MYO3B: variants seen among roughly 807,000 people sequenced by gnomAD.
MYO3B encodes myosin-IIIb.
Under a neutral mutation model 174.6 loss-of-function variants are expected in MYO3B, and 156 were observed. That is an observed-to-expected ratio of 0.89 (90% CI 0.78 to 1.02). The LOEUF is 1.02. Among genes scored for constraint, MYO3B ranks in the 50% least tolerant of loss-of-function variants. The pLI, the probability that MYO3B is intolerant of heterozygous loss-of-function variation, is 0.00. For synonymous variants in MYO3B, 563 were observed against 569.1 expected, an observed-to-expected ratio of 0.99 and a Z score of 0.15; for missense variants, 1,632 against 1,639.4, an observed-to-expected ratio of 1.00 and a Z score of 0.08.
intron 10 of MYO3B, chr2:170,382,827 C>T: frequency 9.4e-6 from 3 of 318,946 alleles, no homozygotes; most frequent in Non-Finnish European, 1.7e-5. Context: ...TGTTGGATAT[C>T]TCAGTGTCTT....
chr2:170,538,894 C>A (rs922915323), intron 30 of MYO3B, among the ~76,000 whole-genome samples: 5 of 152,108 alleles, frequency 3.3e-5, no homozygotes, highest in African/African-American at 1.2e-4. Context: ...ACTGCTTCTG[C>A]CCATTTAGCT....
chr2:170,226,225 G>A (rs35724739), intron 6 of MYO3B, among the ~76,000 whole-genome samples: 2,673 of 152,280 alleles, frequency 0.018, 32 homozygotes, highest in Middle Eastern at 0.031. Flanking sequence ...TGCAGGCTTT[G>A]GGAGCTCAGG....
intron 32 of MYO3B, among the ~76,000 whole-genome samples, chr2:170,564,631 A>G (rs1691948898): frequency 6.6e-6 from 1 of 152,224 alleles, no homozygotes; most frequent in Admixed American, 6.5e-5. Context: ...TAAAGATACA[A>G]TTTTTATACA....
At chr2:170,392,207 C>G (rs1422976034) in intron 15 of MYO3B, among the ~76,000 whole-genome samples, 174 bp from the exon 16 acceptor site, 1 of 151,702 alleles carries the variant, frequency 6.6e-6, no homozygotes, top group East Asian at 1.9e-4. Flanking sequence ...GCAGGAGGAT[C>G]ACTAGAGCCC....
At chr2:170,633,494 A>G (rs183116081) in intron 32 of MYO3B, among the ~76,000 whole-genome samples, 9 of 152,336 alleles carry the variant, frequency 5.9e-5, no homozygotes, top group Admixed American at 5.9e-4. Context: ...GCTATTTATG[A>G]TAAACCCACA....
Position 170,635,381 on chromosome 2 carries a change from G to A in MYO3B, c.3734-16247G>A, listed in dbSNP as rs146475495. Among the ~76,000 whole-genome samples, 1,262 of 152,072 alleles carry A rather than the reference G, an allele frequency of 8.3e-3. 21 individuals carry two copies. The highest frequency in any genetic ancestry group is 0.028 in the African/African-American group (1,163 of 41,454). On this transcript the variant is annotated intron_variant, in intron 32 of 34. Transcript: ENST00000408978. ...TCAAGGACAGAAAACCAAACACTGC[G>A]TGTTCTCACTCATAGGTGGGAATTG...
chr2:170,581,284 CAT>C (rs1693133723), intron 32 of MYO3B, among the ~76,000 whole-genome samples: 1 of 152,190 alleles, frequency 6.6e-6, no homozygotes, highest in Admixed American at 6.5e-5. Flanking sequence ...GTCACTTTCT[CAT>C]GTGTTACTTT....
chr2:170,324,046 C>T (rs116768570), intron 7 of MYO3B, among the ~76,000 whole-genome samples: 1,779 of 152,232 alleles, frequency 0.012, 32 homozygotes, highest in African/African-American at 0.041. Flanking sequence ...CTTCGAATCA[C>T]GTGGACTTTC....
At chr2:170,496,113 C>T (rs1483365228) in intron 25 of MYO3B, among the ~76,000 whole-genome samples, 4 of 152,212 alleles carry the variant, frequency 2.6e-5, no homozygotes, top group Admixed American at 2.6e-4. Context: ...GGCTACTGTT[C>T]AGGTTCAGAG....
intron 32 of MYO3B, among the ~76,000 whole-genome samples, chr2:170,593,812 A>G (rs1693970799): frequency 6.6e-6 from 1 of 152,204 alleles, no homozygotes; most frequent in Admixed American, 6.5e-5. Flanking sequence ...TATGATGTGC[A>G]CCTTAGTAGT....
At chr2:170,388,476 G>A (rs1288089436) in intron 14 of MYO3B, among the ~76,000 whole-genome samples, 1 of 152,126 alleles carries the variant, frequency 6.6e-6, no homozygotes, top group Admixed American at 6.5e-5. Context: ...AGGAAAAGTG[G>A]CAAAGATAAG....
chr2:170,646,712 A>C (rs1698410899), intron 32 of MYO3B, among the ~76,000 whole-genome samples: 1 of 152,152 alleles, frequency 6.6e-6, no homozygotes, highest in African/African-American at 2.4e-5. Context: ...GTTTATTGCC[A>C]AGTTGCACTT....
At chr2:170,584,236 T>G (rs1693354742) in intron 32 of MYO3B, among the ~76,000 whole-genome samples, 1 of 152,222 alleles carries the variant, frequency 6.6e-6, no homozygotes, top group Admixed American at 6.5e-5. Context: ...CCAACAAACT[T>G]GGAAAAAGTT....
chr2:170,290,199 T>C (rs79517685), intron 7 of MYO3B, among the ~76,000 whole-genome samples: 1,785 of 152,214 alleles, frequency 0.012, 16 homozygotes, highest in Non-Finnish European at 0.019. Context: ...GCCTATTAGA[T>C]TTAGTGTGGA....
intron 25 of MYO3B, among the ~76,000 whole-genome samples, chr2:170,497,947 G>GAAAAAAAAAAAAAAAAAAAAA (rs55963352): frequency 1.1e-5 from 1 of 87,874 alleles, no homozygotes; most frequent in African/African-American, 3.8e-5. Context: ...TTCTGCCTCA[G>GAAAAAAAAAAAAAAAAAAAAA]AAAAAAAAAA....
Position 170,653,238 on chromosome 2 carries a change from G to T in MYO3B, c.*117G>T, listed in dbSNP as rs766681481. On this transcript the variant is annotated 3_prime_UTR_variant, in exon 35 of 35. Coordinates refer to ENST00000408978, the MANE Select transcript of MYO3B (RefSeq NM_138995.5). ...CAGCTTCTTTGGACATATGGTCCAT[G>T]CCTGAACCTTACTGAACCACTTGCA... 5 of 1,260,558 alleles carry T rather than the reference G, an allele frequency of 4.0e-6. No individual in the cohort carries two copies. Among genetic ancestry groups the T allele is most frequent in the Non-Finnish European group, 5.6e-6 (5 of 889,530 alleles). The allele number at this position is 1,260,558 out of a possible 1,614,324, so 78.1% of individuals were successfully genotyped here.
At chr2:170,251,985 T>C (rs1221068211) in intron 7 of MYO3B, among the ~76,000 whole-genome samples, 1 of 152,200 alleles carries the variant, frequency 6.6e-6, no homozygotes. Context: ...AAGTTCAACT[T>C]TGAGACCAGG....
intron 28 of MYO3B, among the ~76,000 whole-genome samples, chr2:170,505,294 A>G (rs17580389): frequency 0.07 from 10,616 of 152,142 alleles, 1,017 homozygotes; most frequent in East Asian, 0.4. Context: ...AACTCTGCAT[A>G]TCACCTTGGC....
chr2:170,203,496 G>T (rs1046467639), intron 3 of MYO3B, among the ~76,000 whole-genome samples: 1 of 116,790 alleles, frequency 8.6e-6, no homozygotes, highest in African/African-American at 4.2e-5. Context: ...AAAAGGGGGC[G>T]GCGGGGGGGG....
Sources: allele counts gnomAD v4.1 joint callset (sites outside exome capture counted in the v4.1 genomes callset), GRCh38; gene constraint gnomAD v4.1.1; transcripts MANE v1.5; gene names NCBI Gene and HGNC (gene_info 2026-07-23, HGNC 2026-07-21).